The following POTEI variants were observed in gnomAD, a reference collection of about 807,000 sequenced individuals.
POTEI encodes the protein POTE ankyrin domain family, member I.
In POTEI, 14 loss-of-function variants were observed where a neutral mutation model predicts 43.4. The ratio of observed to expected loss-of-function variants is 0.32; its 90% CI spans 0.21 to 0.50. The LOEUF (loss-of-function observed/expected upper bound fraction) is 0.50. Among genes scored for constraint, POTEI ranks in the 20% least tolerant of loss-of-function variants. The probability of loss-of-function intolerance (pLI) is 0.98; values close to 1 mark genes in which losing one functional copy is unlikely to be tolerated. For synonymous variants in POTEI, 95 were observed against 297.9 expected (o/e 0.32, Z 7.01); for missense variants, 235 against 795.4 (o/e 0.30, Z 8.47).
rs1482496671 is a variant in POTEI at position 130,493,938 on chromosome 2, A to G, written c.1126+2614T>C. ...AGGACGGGTGAAAACCTTGTAATAC[A>G]TTGATGCTACTCCAAGGATGTATGA... On this transcript the variant is annotated intron_variant, in intron 6 of 14. Coordinates refer to ENST00000451531, the MANE Select transcript of POTEI (RefSeq NM_001277406.2). 1.5e-4 allele frequency among the ~76,000 whole-genome samples: 6 copies of G among 38,748 alleles called. 3 individuals are homozygous for G. Among genetic ancestry groups the G allele is most frequent in the Admixed American group, 6.7e-4 (2 of 3,000 alleles). The allele number at this position is 38,748 out of a possible 152,430, so 25.4% of individuals were successfully genotyped here.
At chr2:130,492,408 A>C (rs11689449) in intron 6 of POTEI, among the ~76,000 whole-genome samples, 1 of 151,216 alleles carries the variant, frequency 6.6e-6, no homozygotes, top group African/African-American at 2.4e-5. Context: ...CCTACAATAG[A>C]AGGATGAGTG....
rs1553469021 is a variant in POTEI, at chr2:130,483,599, G to GTTTTGT, written c.1410-1527_1410-1526insACAAAA. On this transcript the variant is annotated intron_variant, in intron 9 of 14. Transcript: ENST00000451531. ...TGTTAGAAAGAACCATGTCAAACTT[G>GTTTTGT]TTTTTTTTTTTTTGAGACGGAGTCT... Among the ~76,000 whole-genome samples, 24 of 29,176 alleles carry GTTTTGT rather than the reference G, an allele frequency of 8.2e-4. 1 individual carries two copies. In the East Asian group the frequency reaches 0.012, roughly 15 times the overall value. The allele number at this position is 29,176 out of a possible 152,430, so 19.1% of individuals were successfully genotyped here. A position where few individuals can be genotyped will look rare whatever the true frequency, so the allele number is the denominator to read the frequency against.
At chr2:130,486,992 T>G (rs867796146) in intron 9 of POTEI, among the ~76,000 whole-genome samples, 2 of 67,696 alleles carry the variant, frequency 3.0e-5, no homozygotes, top group African/African-American at 8.0e-5. Context: ...GGCACTGACA[T>G]AAAAATTTAA....
chr2:130,477,157 T>G (rs1227478342), intron 10 of POTEI, among the ~76,000 whole-genome samples: 2 of 151,434 alleles, frequency 1.3e-5, no homozygotes, highest in Admixed American at 1.3e-4. Flanking sequence ...TTTTTCTTTT[T>G]TCTTTTTTTT....
Position 130,491,765 on chromosome 2 carries a change from C to T in POTEI, c.1127-1025G>A, listed in dbSNP as rs571988830. Among the ~76,000 whole-genome samples the T allele has an allele frequency of 1.7e-3, 178 of 105,880 alleles. 5 individuals are homozygous for T. The highest frequency in any genetic ancestry group is 4.6e-3 in the African/African-American group (151 of 33,092). The allele number at this position is 105,880 out of a possible 152,430, so 69.5% of individuals were successfully genotyped here. A position where few individuals can be genotyped will look rare whatever the true frequency, so the allele number is the denominator to read the frequency against. On this transcript the variant is annotated intron_variant, in intron 6 of 14. Transcript: ENST00000451531. The stretch of plus-strand genomic sequence containing the variant: ...ACACTCCCTGGTTCAAGCGATTCTC[C>T]TGTCTCAGTCTCCGGAGAAGCTGGG...
intron 3 of POTEI, among the ~76,000 whole-genome samples, chr2:130,502,095 T>C (rs572804164): frequency 0.023 from 1,119 of 48,802 alleles, 81 homozygotes; most frequent in African/African-American, 0.044. Context: ...TCGTCGTTGT[T>C]GTTGTTGTTG....
At chr2:130,482,467 T>C (rs1683424530) in intron 9 of POTEI, among the ~76,000 whole-genome samples, 1 of 150,642 alleles carries the variant, frequency 6.6e-6, no homozygotes, top group Admixed American at 6.6e-5. Flanking sequence ...TAGGTTGTTA[T>C]AATGATTTAA....
chr2:130,484,810 TC>T (rs1186221020), intron 9 of POTEI, among the ~76,000 whole-genome samples: 1 of 150,114 alleles, frequency 6.7e-6, no homozygotes, highest in Non-Finnish European at 1.5e-5. Flanking sequence ...GCCAGGACGA[TC>T]AATTCCCAGT....
chr2:130,508,962 T>C lies in POTEI; in HGVS notation c.274A>G (p.Lys92Glu). The C allele has an allele frequency of 2.5e-6, 4 of 1,592,624 alleles. 1 individual carries two copies. Among genetic ancestry groups the C allele is most frequent in the Non-Finnish European group, 3.4e-6 (4 of 1,171,466 alleles). Residue 92 changes from lysine (K) to glutamate (E), a missense_variant, in exon 1 of 15, where the codon AAG becomes GAG. Lys to Glu is a moderately conservative substitution (Grantham distance 56, BLOSUM62 1). Coordinates refer to ENST00000451531, the MANE Select transcript of POTEI (RefSeq NM_001277406.2). Reference protein sequence around the residue: ...TSGDHDDSAMKTLRSKMGKWC... With the variant: ...TSGDHDDSAMETLRSKMGKWC... Reference sequence around the variant, plus strand: ...TTGCCCATCTTGCTCCTGAGCGTCTTCATAGCGGAGTCGTCGTGGTCTCCA... The same window carrying C: ...TTGCCCATCTTGCTCCTGAGCGTCTCCATAGCGGAGTCGTCGTGGTCTCCA...
intron 10 of POTEI, among the ~76,000 whole-genome samples, chr2:130,477,449 C>T (rs925404270): frequency 1.0e-4 from 15 of 150,444 alleles, no homozygotes; most frequent in Non-Finnish European, 2.1e-4. Flanking sequence ...TTATTTTCAT[C>T]TTTTGAAACA....
chr2:130,484,987 GC>G (rs1363714718), intron 9 of POTEI, among the ~76,000 whole-genome samples: 1 of 152,296 alleles, frequency 6.6e-6, no homozygotes, highest in Admixed American at 6.5e-5. Context: ...TTTTGGCAGA[GC>G]AATTGGAAAA....
At chr2:130,483,450 CATAA>C (rs1385422471) in intron 9 of POTEI, among the ~76,000 whole-genome samples, 2 of 133,956 alleles carry the variant, frequency 1.5e-5, no homozygotes, top group Non-Finnish European at 3.2e-5. Flanking sequence ...ACTATTAAAG[CATAA>C]ATAGTGAATA....
Position 130,462,834 on chromosome 2 carries a change from G to C in POTEI, c.3210C>G (p.Val1070=), listed in dbSNP as rs1682689321. Residue 1070 remains valine, a synonymous_variant, in exon 15 of 15, where the codon GTC becomes GTG. Coordinates refer to ENST00000451531, the MANE Select transcript of POTEI (RefSeq NM_001277406.2). ...AGTCCACCTAGAAGCATTTGCGGTG[G>C]ACAATGGAGGGGCCTGACTCATCAT... is the stretch of plus-strand genomic sequence containing the variant. ...QEYDESGPSI[V]HRKCF The C allele has an allele frequency of 2.2e-6, 1 of 460,546 alleles. No individual in the cohort carries two copies. The highest frequency in any genetic ancestry group is 4.3e-5 in the Admixed American group (1 of 23,280). 28.5% of individuals were successfully genotyped at this position (460,546 alleles called of 1,614,324 possible). A position where few individuals can be genotyped will look rare whatever the true frequency, so the allele number is the denominator to read the frequency against.
At chr2:130,478,037 G>C (rs1683264943) in intron 10 of POTEI, among the ~76,000 whole-genome samples, 1 of 49,212 alleles carries the variant, frequency 2.0e-5, no homozygotes. Flanking sequence ...TAAGATGCTT[G>C]GACATTAATG....
At chr2:130,464,722 C>A (rs1189885198) in intron 14 of POTEI, among the ~76,000 whole-genome samples, 1 of 149,012 alleles carries the variant, frequency 6.7e-6, no homozygotes. Context: ...ACTGTCAAAT[C>A]TAAGCACTGT....
At chr2:130,482,421 C>T (rs1319975663) in intron 9 of POTEI, among the ~76,000 whole-genome samples, 1 of 150,394 alleles carries the variant, frequency 6.6e-6, no homozygotes, top group African/African-American at 2.5e-5. Context: ...TTAATGTCTT[C>T]TTCTACAAAG....
At position 130,461,287 on chromosome 2, in the gene POTEI, T is replaced by C. The variant is rs1209383396; in HGVS notation, c.*1529A>G. The C allele has an allele frequency of 6.6e-6, 1 of 152,052 alleles. No homozygotes were observed. The highest frequency in any genetic ancestry group is 1.5e-5 in the Non-Finnish European group (1 of 68,108). 9.4% of individuals were successfully genotyped at this position (152,052 alleles called of 1,614,324 possible). On this transcript the variant is annotated 3_prime_UTR_variant, in exon 15 of 15. Transcript: ENST00000451531. ...TCTGAAGCCCTAAGGCTGAAATGCC[T>C]GGGTCGCCCCAACAGCAAAGATGAC...
chr2:130,467,449 AAGAT>A (rs533369734), intron 13 of POTEI, among the ~76,000 whole-genome samples: 829 of 134,868 alleles, frequency 6.1e-3, no homozygotes, highest in South Asian at 0.022. Flanking sequence ...CTGGGAAAAA[AAGAT>A]AGCCACATGT....
intron 10 of POTEI, among the ~76,000 whole-genome samples, chr2:130,480,070 T>C (rs1395074914): frequency 2.3e-3 from 109 of 47,134 alleles, no homozygotes; most frequent in Middle Eastern, 0.017. Flanking sequence ...GCCCTTGCGA[T>C]GTTGTGTTGT....
Sources: allele counts gnomAD v4.1 joint callset (sites outside exome capture counted in the v4.1 genomes callset), GRCh38; gene constraint gnomAD v4.1.1; transcripts MANE v1.5; gene names NCBI Gene and HGNC (gene_info 2026-07-23, HGNC 2026-07-21).